The following GLG1 variants were observed in gnomAD, a reference collection of about 807,000 sequenced individuals.
GLG1 encodes Golgi apparatus protein 1.
GLG1 carries 38 observed loss-of-function variants against 160.5 expected under a neutral mutation model. The observed-to-expected ratio is 0.24, with a 90% CI of 0.18 to 0.31. GLG1 has a LOEUF of 0.31. Ranked by LOEUF, GLG1 falls within the 10% of genes least tolerant of loss-of-function variation. The pLI is 1.00. For missense variants in GLG1, 1,373 were observed against 1,505.2 expected (o/e 0.91, Z 1.45); for synonymous variants, 644 against 543.4 (o/e 1.19, Z -2.57).
chr16:74,480,294 C>T lies in GLG1; in HGVS notation c.1774G>A (p.Val592Met). 6 of 1,613,292 alleles carry T rather than the reference C, an allele frequency of 3.7e-6. No individual in the cohort carries two copies. Among genetic ancestry groups the T allele is most frequent in the African/African-American group, 1.3e-5 (1 of 75,048 alleles). Residue 592 changes from valine to methionine, a missense_variant, in exon 11 of 26, where the codon GTG becomes ATG. This residue lies in a region of GLG1 where 386 missense variants were observed against 388.5 expected (regional missense o/e 0.99). Transcript: ENST00000422840. ...ETSEFMPQGA[V>M]FSCLYRHAYR... Reference sequence around the variant, plus strand: ...GCGTGTCTGTATAAACAAGAGAACACAGCTCCCTGAGGCATAAATTCACTG... The same window carrying T: ...GCGTGTCTGTATAAACAAGAGAACATAGCTCCCTGAGGCATAAATTCACTG...
chr16:74,536,998 C>T (rs1202668666), intron 1 of GLG1, among the ~76,000 whole-genome samples: 2 of 152,054 alleles, frequency 1.3e-5, no homozygotes, highest in African/African-American at 4.8e-5. Flanking sequence ...TCTCTTACAT[C>T]AAGTATTTAC....
intron 1 of GLG1, among the ~76,000 whole-genome samples, chr16:74,554,707 A>C (rs1452506181): frequency 6.6e-6 from 1 of 152,210 alleles, no homozygotes; most frequent in Non-Finnish European, 1.5e-5. Flanking sequence ...TGCATGAATA[A>C]AATTACATTT....
chr16:74,490,283 G>T (rs962677712), intron 8 of GLG1, among the ~76,000 whole-genome samples: 3 of 151,962 alleles, frequency 2.0e-5, no homozygotes, highest in African/African-American at 7.3e-5. Flanking sequence ...ATAAACGCTA[G>T]ATCAAGAAGA....
Position 74,467,861 on chromosome 16 carries a change from G to A in GLG1, c.2437-13C>T, listed in dbSNP as rs780326616. 1.9e-6 allele frequency: 3 copies of A among 1,579,286 alleles called. No homozygotes were observed. The highest frequency in any genetic ancestry group is 2.2e-5 in the East Asian group (1 of 44,582). ...GGATGTCCTCCGTCTGCATGAGGGA[G>A]CCAGCATGGAAAGGTGAGCTTGGTT... On this transcript the variant is annotated splice_polypyrimidine_tract_variant and intron_variant, in intron 17 of 25. Coordinates refer to ENST00000422840, the MANE Select transcript of GLG1 (RefSeq NM_001145667.2).
chr16:74,502,130 T>C (rs992866992), intron 4 of GLG1, among the ~76,000 whole-genome samples: 1 of 152,158 alleles, frequency 6.6e-6, no homozygotes, highest in African/African-American at 2.4e-5. Context: ...AAGGGACAAA[T>C]GGGTTTTATT....
chr16:74,470,827 G>C (rs569888890), intron 15 of GLG1, among the ~76,000 whole-genome samples: 4 of 151,930 alleles, frequency 2.6e-5, no homozygotes, highest in African/African-American at 7.2e-5. Context: ...TGGCGATCTC[G>C]GCTCACTACA....
chr16:74,579,333 T>C (rs960937699), intron 1 of GLG1, among the ~76,000 whole-genome samples: 2 of 144,262 alleles, frequency 1.4e-5, no homozygotes, highest in African/African-American at 5.3e-5. Context: ...GAGGATCACC[T>C]GAGCCTTGGG....
At chr16:74,539,365 A>G (rs1473254048) in intron 1 of GLG1, among the ~76,000 whole-genome samples, 2 of 152,278 alleles carry the variant, frequency 1.3e-5, no homozygotes, top group East Asian at 1.9e-4. Flanking sequence ...TCACAGACAA[A>G]TTAGAGCTCA....
chr16:74,588,583 T>A (rs997728744), intron 1 of GLG1, among the ~76,000 whole-genome samples: 1 of 152,018 alleles, frequency 6.6e-6, no homozygotes, highest in Admixed American at 6.6e-5. Context: ...CCACACTGAC[T>A]AATTTTTGTA....
At chr16:74,490,038 G>A (rs1318968313) in intron 8 of GLG1, among the ~76,000 whole-genome samples, 1 of 152,154 alleles carries the variant, frequency 6.6e-6, no homozygotes, top group Non-Finnish European at 1.5e-5. Context: ...TTACACTGAG[G>A]GAGGAGAGCC....
At chr16:74,509,791 G>A (rs1292630120) in intron 2 of GLG1, among the ~76,000 whole-genome samples, 1 of 151,252 alleles carries the variant, frequency 6.6e-6, no homozygotes, top group Non-Finnish European at 1.5e-5. Flanking sequence ...AGAGGTTGCA[G>A]TGAGCCGAGA....
At chr16:74,471,010 G>A (rs573908828) in intron 15 of GLG1, among the ~76,000 whole-genome samples, 163 bp downstream of exon 15, 1 of 152,080 alleles carries the variant, frequency 6.6e-6, no homozygotes, top group African/African-American at 2.4e-5. Context: ...ACCCACCTCA[G>A]CCTCCCAAAG....
rs144399676 is a variant in GLG1, at chr16:74,544,056, G to C, written c.439-11903C>G. On this transcript the variant is annotated intron_variant, in intron 1 of 25. Coordinates refer to ENST00000422840, the MANE Select transcript of GLG1 (RefSeq NM_001145667.2). ...AAAGGAGATGGGCAGAACAGATGCAGATCCTTTTAGAATTACTGTTTTAAA... is the reference window on the plus strand; with the variant it reads ...AAAGGAGATGGGCAGAACAGATGCACATCCTTTTAGAATTACTGTTTTAAA... 7.7e-3 allele frequency among the ~76,000 whole-genome samples: 1,169 copies of C among 152,314 alleles called. 16 individuals carry two copies. Among genetic ancestry groups the C allele is most frequent in the African/African-American group, 0.026 (1,094 of 41,574 alleles).
chr16:74,474,501 G>A (rs749274804), intron 13 of GLG1, 45 bp downstream of exon 13: 1 of 899,376 alleles, frequency 1.1e-6, no homozygotes, highest in Non-Finnish European at 1.9e-6. Context: ...AGGCCAGGAT[G>A]CTGGCAGCCA....
chr16:74,560,280 G>C (rs143285844), intron 1 of GLG1, among the ~76,000 whole-genome samples: 117 of 152,012 alleles, frequency 7.7e-4, no homozygotes, highest in African/African-American at 2.7e-3. Context: ...TCAAAGAAAG[G>C]GGGGATTTCC....
intron 1 of GLG1, among the ~76,000 whole-genome samples, chr16:74,578,457 G>A (rs1156919982): frequency 2.0e-5 from 3 of 152,020 alleles, no homozygotes; most frequent in East Asian, 1.9e-4. Flanking sequence ...ATAAGTCAAC[G>A]GATAATGTCT....
rs1414921273 is a variant in GLG1 at position 74,469,050 on chromosome 16, T to A, written c.2332A>T (p.Ile778Phe). 2.3e-5 allele frequency: 37 copies of A among 1,613,186 alleles called. No individual in the cohort carries two copies. Among genetic ancestry groups the A allele is most frequent in the Non-Finnish European group, 2.6e-5 (31 of 1,179,196 alleles). Reference sequence around the variant, plus strand: ...TTGCGCACGGTCGTGCTCAGGCAGATCACCACGTCCACCCTGCAGACGAAA... The same window carrying A: ...TTGCGCACGGTCGTGCTCAGGCAGAACACCACGTCCACCCTGCAGACGAAA... ...PNIKKKVDVV[I>F]CLSTTVRNDT... The change falls in exon 17 of 26, where the codon ATC (isoleucine) becomes TTC (phenylalanine). Residue 778 changes from isoleucine (I) to phenylalanine (F), a missense_variant. Transcript: ENST00000422840.
chr16:74,591,444 C>A (rs1043081168), intron 1 of GLG1, among the ~76,000 whole-genome samples: 1 of 151,944 alleles, frequency 6.6e-6, no homozygotes, highest in Non-Finnish European at 1.5e-5. Flanking sequence ...CTGGCTAACA[C>A]GGTGAAATCC....
At chr16:74,491,698 C>T (rs1329977228) in intron 7 of GLG1, among the ~76,000 whole-genome samples, 2 of 93,924 alleles carry the variant, frequency 2.1e-5, no homozygotes, top group African/African-American at 8.1e-5. Context: ...GAGTGCAGCG[C>T]GCGATCTCGG....
Sources: allele counts gnomAD v4.1 joint callset (sites outside exome capture counted in the v4.1 genomes callset), GRCh38; gene constraint gnomAD v4.1.1; regional missense constraint gnomAD v4.1.1; transcripts MANE v1.5; gene names NCBI Gene and HGNC (gene_info 2026-07-23, HGNC 2026-07-21).